Variants in MGAT1 observed in about 807,000 individuals in gnomAD.
MGAT1 encodes N-glycosyl-oligosaccharide-glycoprotein N-acetylglucosaminyltransferase I.
In MGAT1, 14 loss-of-function variants were observed where a neutral mutation model predicts 31.7. The observed-to-expected ratio is 0.44, with a 90% CI of 0.29 to 0.69. The LOEUF (loss-of-function observed/expected upper bound fraction) is 0.69, where lower values mean the gene tolerates loss of function less well. Among genes scored for constraint, MGAT1 ranks in the 30% least tolerant of loss-of-function variants. The probability of loss-of-function intolerance (pLI) is 0.12; values close to 1 mark genes in which losing one functional copy is unlikely to be tolerated. For synonymous variants in MGAT1, 338 were observed against 276.0 expected, an observed-to-expected ratio of 1.22 and a Z score of -2.23; for missense variants, 557 against 626.0, an observed-to-expected ratio of 0.89 and a Z score of 1.18.
intron 1 of MGAT1, among the ~76,000 whole-genome samples, chr5:180,797,428 AAGGG>A (rs1769669683): frequency 7.8e-6 from 1 of 128,230 alleles, no homozygotes. Flanking sequence ...AAAAAAAAAA[AAGGG>A]GGGGGGGGCC....
At chr5:180,809,800 TTCTC>T (rs1282623170) in intron 1 of MGAT1, 4 of 132,634 alleles carry the variant, frequency 3.0e-5, no homozygotes, top group Non-Finnish European at 4.7e-5. Context: ...CACACATCCA[TTCTC>T]TCTCTCAACA....
At chr5:180,797,476 C>T (rs1276633090) in intron 1 of MGAT1, among the ~76,000 whole-genome samples, 1 of 150,708 alleles carries the variant, frequency 6.6e-6, no homozygotes, top group Admixed American at 6.6e-5. Flanking sequence ...TCATCAATGA[C>T]CTGCAGGCCC....
chr5:180,802,531 G>C (rs1198130724), intron 1 of MGAT1, 149 bp downstream of exon 1: 1 of 152,228 alleles, frequency 6.6e-6, no homozygotes, highest in Non-Finnish European at 1.5e-5. Context: ...GCTGGCACCG[G>C]GTCGGACCGG....
At chr5:180,793,746 T>C (rs1399290967) in intron 1 of MGAT1, among the ~76,000 whole-genome samples, 3 of 152,182 alleles carry the variant, frequency 2.0e-5, no homozygotes, top group African/African-American at 7.2e-5. Flanking sequence ...CAACATATAC[T>C]AATGGATAGC....
chr5:180,810,489 C>T (rs1308828406), intron 1 of MGAT1: 2 of 152,410 alleles, frequency 1.3e-5, no homozygotes, highest in Non-Finnish European at 2.9e-5. Flanking sequence ...CAGGTGGAGC[C>T]GCGCGGGAAG....
chr5:180,811,711 T>C (rs1772586572), intron 1 of MGAT1, among the ~76,000 whole-genome samples: 1 of 149,464 alleles, frequency 6.7e-6, no homozygotes, highest in African/African-American at 2.5e-5. Flanking sequence ...ACAGGGATCC[T>C]GTCGTTTCTG....
intron 1 of MGAT1, among the ~76,000 whole-genome samples, chr5:180,815,218 T>C (rs560006038): frequency 6.6e-6 from 1 of 152,254 alleles, no homozygotes; most frequent in Admixed American, 6.5e-5. Context: ...ATCCATTCAT[T>C]AGTGGGAATA....
Position 180,790,080 on chromosome 5 carries a change from G to A in MGAT1, c.*1554C>T, listed in dbSNP as rs1014306621. ...CGTTTGGGAGTCCAAGCGCCACTGT[G>A]AGGCCAACCCTGGTATCAGCTGTGT... On this transcript the variant is annotated 3_prime_UTR_variant, in exon 2 of 2. Transcript: ENST00000307826. 1 of 152,228 alleles carries A rather than the reference G, an allele frequency of 6.6e-6. No homozygotes were observed. Among genetic ancestry groups the A allele is most frequent in the Non-Finnish European group, 1.5e-5 (1 of 68,072 alleles). 9.4% of individuals were successfully genotyped at this position (152,228 alleles called of 1,614,324 possible).
In MGAT1 at chr5:180,786,224, C is replaced by T. The variant is rs146828943; in HGVS notation, c.*5410G>A. On this transcript the variant is annotated 3_prime_UTR_variant, in exon 2 of 2. Transcript: ENST00000307826. ...TGTGGCCTTCAGGAATTTCAGTTTT[C>T]ATGCATGACCCTGAGAAGACTCAGC... 1 of 152,372 alleles carries T rather than the reference C, an allele frequency of 6.6e-6. No individual in the cohort carries two copies. Among genetic ancestry groups the T allele is most frequent in the East Asian group, 1.9e-4 (1 of 5,180 alleles). 9.4% of individuals were successfully genotyped at this position (152,372 alleles called of 1,614,324 possible).
At position 180,791,478 on chromosome 5, in the gene MGAT1, CTTG is replaced by C. The variant is rs1034386197; in HGVS notation, c.*153_*155del. Reference sequence around the variant, plus strand: ...CCCTTGAGAACGGGAGAATAATCCTCTTGTTATCATTTGTGCACTTAAATGCCA... The same window carrying C: ...CCCTTGAGAACGGGAGAATAATCCTCTTATCATTTGTGCACTTAAATGCCA... On this transcript the variant is annotated 3_prime_UTR_variant, in exon 2 of 2. Transcript: ENST00000307826. The C allele has an allele frequency of 1.7e-5, 15 of 873,030 alleles. No homozygotes were observed. The highest frequency in any genetic ancestry group is 8.5e-5 in the African/African-American group (5 of 58,752). 54.1% of individuals were successfully genotyped at this position (873,030 alleles called of 1,614,324 possible). A position where few individuals can be genotyped will look rare whatever the true frequency, so the allele number is the denominator to read the frequency against.
intron 1 of MGAT1, among the ~76,000 whole-genome samples, chr5:180,812,161 G>T (rs1772618656): frequency 6.6e-6 from 1 of 152,164 alleles, no homozygotes; most frequent in Non-Finnish European, 1.5e-5. Flanking sequence ...GCTATATCCC[G>T]GTGGCTGCAA....
At chr5:180,812,252 C>G (rs1180163562) in intron 1 of MGAT1, among the ~76,000 whole-genome samples, 1 of 152,244 alleles carries the variant, frequency 6.6e-6, no homozygotes, top group Admixed American at 6.5e-5. Flanking sequence ...AAGCTACTTT[C>G]ACCGCAGAGT....
At position 180,792,830 on chromosome 5, in the gene MGAT1, C is replaced by A. The variant is rs778419570; in HGVS notation, c.142G>T (p.Ala48Ser). The A allele has an allele frequency of 2.6e-6, 4 of 1,560,810 alleles. No homozygotes were observed. Among genetic ancestry groups the A allele is most frequent in the Non-Finnish European group, 3.5e-6 (4 of 1,153,384 alleles). ...PSVSALDGDP[A>S]SLTREVIRLA... Reference sequence around the variant, plus strand: ...CGAATCACTTCCCGGGTGAGGCTGGCGGGGTCGCCATCGAGAGCGCTGACT... The same window carrying A: ...CGAATCACTTCCCGGGTGAGGCTGGAGGGGTCGCCATCGAGAGCGCTGACT... Residue 48 changes from alanine (A) to serine (S), a missense_variant, in exon 2 of 2, where the codon GCC becomes TCC. This residue lies in a region of MGAT1 where 167 missense variants were observed against 149.8 expected (regional missense o/e 1.11). Coordinates refer to ENST00000307826, the MANE Select transcript of MGAT1 (RefSeq NM_002406.4).
At chr5:180,794,157 T>A (rs1041460347) in intron 1 of MGAT1, among the ~76,000 whole-genome samples, 2 of 149,750 alleles carry the variant, frequency 1.3e-5, no homozygotes, top group Non-Finnish European at 3.0e-5. Context: ...TACAGGAGGA[T>A]CACTTGAGCC....
At chr5:180,808,787 G>A (rs939143121) in exon 2 of MGAT1, 1 of 152,322 alleles carries the variant, frequency 6.6e-6, no homozygotes, top group African/African-American at 2.4e-5. Flanking sequence ...GTCCATGGCT[G>A]AGCTGACCCT....
At chr5:180,799,093 G>A (rs567095763) in intron 1 of MGAT1, among the ~76,000 whole-genome samples, 4 of 152,124 alleles carry the variant, frequency 2.6e-5, no homozygotes, top group South Asian at 2.1e-4. Context: ...CAGCAACAGC[G>A]CATCCTTCCT....
rs1377043346 is a variant in MGAT1 at position 180,785,465 on chromosome 5, C to CTG, written c.*6167_*6168dup. The CTG allele has an allele frequency of 6.6e-6, 1 of 152,344 alleles. No individual in the cohort carries two copies. Among genetic ancestry groups the CTG allele is most frequent in the Non-Finnish European group, 1.5e-5 (1 of 68,104 alleles). The allele number at this position is 152,344 out of a possible 1,614,324, so 9.4% of individuals were successfully genotyped here. Reference sequence around the variant, plus strand: ...CTGGCCAGGGATGTCCTCACGGCCCCTGTGGGTGACGGTGGCCATGGGTGA... The same window carrying CTG: ...CTGGCCAGGGATGTCCTCACGGCCCCTGTGTGGGTGACGGTGGCCATGGGTGA... On this transcript the variant is annotated 3_prime_UTR_variant, in exon 2 of 2. Transcript: ENST00000307826.
intron 1 of MGAT1, chr5:180,811,534 T>C (rs1251172976): frequency 6.6e-6 from 1 of 151,976 alleles, no homozygotes; most frequent in African/African-American, 2.4e-5. Flanking sequence ...CTTCACTCTC[T>C]CACCCCCTCT....
upstream of MGAT1, among the ~76,000 whole-genome samples, chr5:180,806,938 T>C (rs1771959671): frequency 6.6e-6 from 1 of 152,102 alleles, no homozygotes; most frequent in Non-Finnish European, 1.5e-5. Flanking sequence ...ACACCCATCT[T>C]GAGACCCACA....
Sources: allele counts gnomAD v4.1 joint callset (sites outside exome capture counted in the v4.1 genomes callset), GRCh38; gene constraint gnomAD v4.1.1; regional missense constraint gnomAD v4.1.1; transcripts MANE v1.5; gene names NCBI Gene and HGNC (gene_info 2026-07-23, HGNC 2026-07-21).